GLE1: variants seen among roughly 807,000 people sequenced by gnomAD.
The protein encoded by GLE1 is GLE1 RNA export mediator.
Under a neutral mutation model 97.3 loss-of-function variants are expected in GLE1, and 78 were observed. The observed-to-expected ratio is 0.80, with a 90% CI of 0.67 to 0.97. The LOEUF is 0.97. GLE1 is among the 50% of genes least tolerant of loss of function. The pLI is 0.00. For synonymous variants in GLE1, 302 were observed against 313.4 expected (o/e 0.96, Z 0.39); for missense variants, 753 against 857.5 (o/e 0.88, Z 1.52).
intron 2 of GLE1, among the ~76,000 whole-genome samples, chr9:128,514,445 C>CTT (rs772047006): frequency 4.0e-4 from 53 of 132,722 alleles, no homozygotes; most frequent in African/African-American, 7.9e-4. Context: ...GGATAGCAGA[C>CTT]TTTTTTTTTT....
intron 9 of GLE1, among the ~76,000 whole-genome samples, chr9:128,531,831 C>CAA (rs1206684667): frequency 0.049 from 2,523 of 51,636 alleles, 262 homozygotes; most frequent in East Asian, 0.22. Flanking sequence ...GACTCCAGCT[C>CAA]AAAAAAAAAA....
At chr9:128,540,961 C>T (rs1307835824) in intron 15 of GLE1, 141 bp from the exon 16 acceptor site, 1 of 692,884 alleles carries the variant, frequency 1.4e-6, no homozygotes. Context: ...ACAGAACCAT[C>T]AGTCTTACTG....
In GLE1 at chr9:128,523,745, G is replaced by A; in HGVS notation, c.796G>A (p.Glu266Lys). The A allele has an allele frequency of 6.2e-7, 1 of 1,614,066 alleles. No homozygotes were observed. Among genetic ancestry groups the A allele is most frequent in the Non-Finnish European group, 8.5e-7 (1 of 1,179,996 alleles). ...GCTCAGCCAGCAGCTGGATGCCTCT[G>A]AGCAGCACAAAGCCCTGCTTAAGGT... ...LQLSQQLDAS[E>K]QHKALLKVDL... is the part of the protein sequence containing the mutation. Residue 266 changes from glutamate (E) to lysine (K), a missense_variant, in exon 6 of 16, where the codon GAG (glutamate) becomes AAG (lysine). Transcript: ENST00000309971.
In GLE1 at chr9:128,541,155, C is replaced by T. The variant is rs752350247; in HGVS notation, c.2082C>T (p.Ser694=). The T allele has an allele frequency of 7.6e-6, 12 of 1,573,352 alleles. No homozygotes were observed. The East Asian group carries it at 2.7e-4, about 35-fold the overall frequency. Residue 694 remains serine, a synonymous_variant, in exon 16 of 16, where the codon TCC becomes TCT. Coordinates refer to ENST00000309971, the MANE Select transcript of GLE1 (RefSeq NM_001003722.2). ...IPVPKGFLTS[S]FWRS ...TCCCCAAGGGCTTTCTGACTTCCTCCTTCTGGCGCTCCTGATGTCACTCCA... is the reference window on the plus strand; with the variant it reads ...TCCCCAAGGGCTTTCTGACTTCCTCTTTCTGGCGCTCCTGATGTCACTCCA...
At chr9:128,516,921 C>T (rs999879896) in intron 3 of GLE1, among the ~76,000 whole-genome samples, 1 of 152,110 alleles carries the variant, frequency 6.6e-6, no homozygotes, top group South Asian at 2.1e-4. Context: ...CCACTGCGCC[C>T]AGCATGTATT....
chr9:128,528,434 G>C (rs999376617), intron 9 of GLE1, among the ~76,000 whole-genome samples: 4 of 151,688 alleles, frequency 2.6e-5, no homozygotes, highest in African/African-American at 9.7e-5. Flanking sequence ...CTCCCAAGTA[G>C]CTGGGACTAC....
Position 128,525,305 on chromosome 9 carries a change from G to T in GLE1, c.1011G>T (p.Arg337Ser). The T allele has an allele frequency of 6.2e-7, 1 of 1,614,102 alleles. No individual in the cohort carries two copies. The highest frequency in any genetic ancestry group is 8.5e-7 in the Non-Finnish European group (1 of 1,179,940). Residue 337 changes from arginine to serine, a missense_variant, in exon 7 of 16, where the codon AGG becomes AGT. Transcript: ENST00000309971. ...QEITRACEDK[R>S]RQDEEEAQVK... is the part of the protein sequence containing the mutation. Reference sequence around the variant, plus strand: ...TCACCAGAGCCTGCGAAGACAAGAGGAGGCAGGATGAAGAAGAGGCCCAGG... The same window carrying T: ...TCACCAGAGCCTGCGAAGACAAGAGTAGGCAGGATGAAGAAGAGGCCCAGG...
chr9:128,524,589 T>G (rs1847249412), intron 6 of GLE1, among the ~76,000 whole-genome samples: 1 of 144,074 alleles, frequency 6.9e-6, no homozygotes, highest in African/African-American at 2.6e-5. Context: ...TCTCACACTC[T>G]TGCCCCGGCT....
At chr9:128,506,670 G>A (rs368412478) in intron 1 of GLE1, among the ~76,000 whole-genome samples, 9 of 152,174 alleles carry the variant, frequency 5.9e-5, no homozygotes, top group African/African-American at 2.2e-4. Flanking sequence ...TTGCTTCTAG[G>A]CCTTCTCAGT....
intron 9 of GLE1, among the ~76,000 whole-genome samples, chr9:128,531,165 G>T (rs1172781075): frequency 7.4e-6 from 1 of 135,932 alleles, no homozygotes; most frequent in Admixed American, 8.4e-5. Context: ...GGTGATCTGA[G>T]ATCACGCCAT....
intron 11 of GLE1, among the ~76,000 whole-genome samples, chr9:128,535,973 CA>C (rs1013694188): frequency 1.3e-5 from 2 of 151,568 alleles, no homozygotes; most frequent in Admixed American, 6.6e-5. Flanking sequence ...CTCTGTTTCC[CA>C]AAAAAAAGCA....
At chr9:128,517,940 G>C (rs1025441094) in intron 3 of GLE1, among the ~76,000 whole-genome samples, 1 of 151,566 alleles carries the variant, frequency 6.6e-6, no homozygotes, top group Non-Finnish European at 1.5e-5. Context: ...TGTTCATCTT[G>C]ATCCCTTTTA....
At position 128,504,838 on chromosome 9, in the gene GLE1, G is replaced by T; in HGVS notation, c.33G>T (p.Leu11Phe). The T allele has an allele frequency of 6.2e-7, 1 of 1,613,402 alleles. No homozygotes were observed. The highest frequency in any genetic ancestry group is 1.1e-5 in the South Asian group (1 of 91,082). MPSEGRCWETLKALRSSDKGR... is the reference protein window; with the variant it reads MPSEGRCWETFKALRSSDKGR... ...CTGAGGGTCGCTGCTGGGAGACCTT[G>T]AAGGCCCTACGCAGTTCCGACAAAG... The change falls in exon 1 of 16, where the codon TTG becomes TTT. Residue 11 changes from leucine to phenylalanine, a missense_variant. Leu to Phe is a conservative substitution (Grantham distance 22). Coordinates refer to ENST00000309971, the MANE Select transcript of GLE1 (RefSeq NM_001003722.2).
chr9:128,522,698 G>C lies in GLE1; in HGVS notation c.463G>C (p.Glu155Gln). ...EGLRLWQEEQ[E>Q]RKVQALSEMA... ...CCTGAGGCTATGGCAGGAGGAGCAG[G>C]AGAGGAAGGTGCAAGCCCTCTCGGA... is the stretch of plus-strand genomic sequence containing the variant. The change falls in exon 4 of 16, where the codon GAG (glutamate) becomes CAG (glutamine). Residue 155 changes from glutamate (E) to glutamine (Q), a missense_variant. Coordinates refer to ENST00000309971, the MANE Select transcript of GLE1 (RefSeq NM_001003722.2). 1 of 1,612,804 alleles carries C rather than the reference G, an allele frequency of 6.2e-7. No homozygotes were observed. The highest frequency in any genetic ancestry group is 8.5e-7 in the Non-Finnish European group (1 of 1,179,790).
chr9:128,519,431 A>G (rs1847077063), intron 3 of GLE1, among the ~76,000 whole-genome samples: 1 of 152,154 alleles, frequency 6.6e-6, no homozygotes, highest in African/African-American at 2.4e-5. Context: ...AGGTCTATAG[A>G]TGGCCCCCTG....
chr9:128,540,908 C>T, intron 15 of GLE1, 194 bp from the exon 16 acceptor site: 1 of 600,074 alleles, frequency 1.7e-6, no homozygotes, highest in Non-Finnish European at 3.0e-6. Flanking sequence ...AAGAGCATTT[C>T]ATTTGTTGTC....
chr9:128,520,731 GCT>G (rs1847129653), intron 3 of GLE1, among the ~76,000 whole-genome samples: 1 of 151,250 alleles, frequency 6.6e-6, no homozygotes, highest in Non-Finnish European at 1.5e-5. Flanking sequence ...TCTCAGCTCT[GCT>G]CTATCATTTA....
At chr9:128,511,568 A>T (rs1460932551) in intron 2 of GLE1, among the ~76,000 whole-genome samples, 1 of 151,174 alleles carries the variant, frequency 6.6e-6, no homozygotes, top group African/African-American at 2.4e-5. Context: ...AAATTAGGCG[A>T]GTTGGCGGGC....
At chr9:128,529,786 CTTT>C (rs369057972) in intron 9 of GLE1, among the ~76,000 whole-genome samples, 3 of 144,792 alleles carry the variant, frequency 2.1e-5, no homozygotes, top group East Asian at 2.0e-4. Context: ...GGGATCTACT[CTTT>C]TTTTTTTTTG....
Sources: gnomAD v4.1 joint callset for allele counts (sites outside exome capture counted in the v4.1 genomes callset) on GRCh38, gnomAD v4.1.1 for gene constraint, MANE v1.5 for transcripts, NCBI Gene and HGNC (gene_info 2026-07-23, HGNC 2026-07-21) for gene names.